Variants in RPRD2 observed in about 807,000 individuals in gnomAD.
RPRD2 encodes the protein regulation of nuclear pre-mRNA domain containing 2, also known as regulation of nuclear pre-mRNA domain-containing protein 2.
RPRD2 carries 12 observed loss-of-function variants against 104.4 expected under a neutral mutation model. The ratio of observed to expected loss-of-function variants is 0.11; its 90% confidence interval spans 0.07 to 0.19. RPRD2 has a LOEUF of 0.19. RPRD2 is among the 10% of genes least tolerant of loss of function. The probability of loss-of-function intolerance (pLI) is 1.00; values close to 1 mark genes in which losing one functional copy is unlikely to be tolerated. For synonymous variants in RPRD2, 714 were observed against 684.9 expected, an observed-to-expected ratio of 1.04 and a Z score of -0.66; for missense variants, 1,543 against 1,790.1, an observed-to-expected ratio of 0.86 and a Z score of 2.49.
At chr1:150,371,775 C>G (rs1483774054) in intron 1 of RPRD2, among the ~76,000 whole-genome samples, 1 of 152,134 alleles carries the variant, frequency 6.6e-6, no homozygotes, top group Non-Finnish European at 1.5e-5. Context: ...TACACTCTTA[C>G]CCACCATCCT....
intron 1 of RPRD2, among the ~76,000 whole-genome samples, chr1:150,394,029 T>TTTG (rs782212631): frequency 1.3e-5 from 2 of 152,074 alleles, no homozygotes; most frequent in Admixed American, 6.6e-5. Flanking sequence ...ATTAATGTTT[T>TTTG]TTGTTGTTGT....
At chr1:150,368,149 A>G (rs1659979962) in intron 1 of RPRD2, among the ~76,000 whole-genome samples, 1 of 148,408 alleles carries the variant, frequency 6.7e-6, no homozygotes, top group Non-Finnish European at 1.5e-5. Context: ...CATTGTTTAG[A>G]TCAAATCTCA....
At chr1:150,466,377 C>CAAAAA (rs34200262) in intron 10 of RPRD2, among the ~76,000 whole-genome samples, 1 of 105,040 alleles carries the variant, frequency 9.5e-6, no homozygotes, top group African/African-American at 3.8e-5. Context: ...GACTCTGTCT[C>CAAAAA]AAAAAAAAAA....
intron 1 of RPRD2, among the ~76,000 whole-genome samples, chr1:150,405,702 A>T (rs1371457572): frequency 2.6e-5 from 4 of 152,154 alleles, no homozygotes; most frequent in South Asian, 2.1e-4. Flanking sequence ...CATGCCTAAA[A>T]TATTAAATGG....
chr1:150,471,625 G>A lies in RPRD2; in HGVS notation c.2677G>A (p.Val893Ile). The change falls in exon 11 of 11, where the codon GTA becomes ATA. Residue 893 changes from valine (V) to isoleucine (I), a missense_variant. Coordinates refer to ENST00000369068, the MANE Select transcript of RPRD2 (RefSeq NM_015203.5). This position sits in a 1 kb window ranked among gnomAD's most constrained non-coding sequence, Gnocchi z 5.3. Reference sequence around the variant, plus strand: ...GGTAAAGTCTGCCTTCCCTCCATCTGTAAGGGCCCTCCTGGACTCTAGTGA... The same window carrying A: ...GGTAAAGTCTGCCTTCCCTCCATCTATAAGGGCCCTCCTGGACTCTAGTGA... Reference protein sequence around the residue: ...FGVKSAFPPSVRALLDSSENC... With the variant: ...FGVKSAFPPSIRALLDSSENC... 1 of 1,613,818 alleles carries A rather than the reference G, an allele frequency of 6.2e-7. No homozygotes were observed. Among genetic ancestry groups the A allele is most frequent in the Non-Finnish European group, 8.5e-7 (1 of 1,179,872 alleles).
chr1:150,366,784 C>T (rs745752566), intron 1 of RPRD2, among the ~76,000 whole-genome samples: 1 of 152,180 alleles, frequency 6.6e-6, no homozygotes, highest in African/African-American at 2.4e-5. Flanking sequence ...AGAACCTCTT[C>T]TCCACCCTAT....
At chr1:150,431,149 G>C (rs1246394704) in intron 2 of RPRD2, among the ~76,000 whole-genome samples, 1 of 152,090 alleles carries the variant, frequency 6.6e-6, no homozygotes, top group Non-Finnish European at 1.5e-5. Context: ...AAATGACAAG[G>C]CTTAGAGAGG....
intron 1 of RPRD2, among the ~76,000 whole-genome samples, chr1:150,395,835 T>TCTTTTC (rs1161785728): frequency 6.6e-6 from 1 of 152,200 alleles, no homozygotes; most frequent in African/African-American, 2.4e-5. Context: ...TATAATGACT[T>TCTTTTC]CTTTTCCTCT....
intron 1 of RPRD2, among the ~76,000 whole-genome samples, chr1:150,365,186 GT>G (rs1451879239): frequency 5.9e-5 from 9 of 152,166 alleles, no homozygotes; most frequent in African/African-American, 2.2e-4. Context: ...TACGTATATT[GT>G]TTTTAATATT....
intron 1 of RPRD2, among the ~76,000 whole-genome samples, chr1:150,372,587 T>C (rs587638949): frequency 3.3e-5 from 5 of 151,434 alleles, no homozygotes; most frequent in African/African-American, 1.2e-4. Context: ...TTAAACATAA[T>C]AGAAGGCGAT....
rs587617568 is a variant in RPRD2 at position 150,381,412 on chromosome 1, C to T, written c.205+16493C>T. Among the ~76,000 whole-genome samples, 6 of 152,192 alleles carry T rather than the reference C, an allele frequency of 3.9e-5. No homozygotes were observed. In the South Asian group the frequency reaches 1.2e-3, roughly 32 times the overall value. On this transcript the variant is annotated intron_variant, in intron 1 of 10. Transcript: ENST00000369068. ...ACTCCAGCCTGGAAAACAGCAAGAC[C>T]CTGGCTCCAAAAACACAAAAGTGCT...
chr1:150,413,364 G>T (rs782365275), intron 1 of RPRD2, among the ~76,000 whole-genome samples: 4 of 152,202 alleles, frequency 2.6e-5, no homozygotes, highest in Non-Finnish European at 4.4e-5. Context: ...ACTTTGGGAG[G>T]CCGAGGCAGG....
chr1:150,378,826 T>C (rs1486245508), intron 1 of RPRD2, among the ~76,000 whole-genome samples: 1 of 146,724 alleles, frequency 6.8e-6, no homozygotes, highest in East Asian at 2.0e-4. Flanking sequence ...TTACTAAAAA[T>C]ACAAAACTTA....
At chr1:150,423,794 T>A (rs1327512754) in intron 2 of RPRD2, among the ~76,000 whole-genome samples, 2 of 49,344 alleles carry the variant, frequency 4.1e-5, no homozygotes, top group Non-Finnish European at 1.3e-4. Flanking sequence ...GAAAACAAAT[T>A]TTTTTTTTTT....
intron 1 of RPRD2, among the ~76,000 whole-genome samples, chr1:150,401,352 G>C (rs1662986137): frequency 6.6e-6 from 1 of 151,976 alleles, no homozygotes; most frequent in South Asian, 2.1e-4. Context: ...GCTGGGTATG[G>C]TGGTGCAAGC....
intron 5 of RPRD2, among the ~76,000 whole-genome samples, chr1:150,443,888 G>T (rs1666577590): frequency 6.6e-6 from 1 of 151,832 alleles, no homozygotes; most frequent in Admixed American, 6.6e-5. Flanking sequence ...CGTGGTGGCG[G>T]GCGCCTGTAG....
chr1:150,436,026 G>T (rs1553893008), intron 2 of RPRD2, among the ~76,000 whole-genome samples: 1 of 151,786 alleles, frequency 6.6e-6, no homozygotes, highest in East Asian at 1.9e-4. Flanking sequence ...TATTCTGTCT[G>T]TGCTCTGTAG....
At chr1:150,462,592 C>T (rs1277465836) in intron 9 of RPRD2, among the ~76,000 whole-genome samples, 1 of 151,974 alleles carries the variant, frequency 6.6e-6, no homozygotes, top group Non-Finnish European at 1.5e-5. Flanking sequence ...CTCACTCTGT[C>T]CCCCAGGCTG....
intron 2 of RPRD2, among the ~76,000 whole-genome samples, chr1:150,440,142 C>T (rs1666316319): frequency 6.6e-6 from 1 of 152,114 alleles, no homozygotes; most frequent in Admixed American, 6.6e-5. Flanking sequence ...GATAAGGTCT[C>T]TCTCTGTTTC....
Sources: allele counts gnomAD v4.1 joint callset (sites outside exome capture counted in the v4.1 genomes callset), GRCh38; gene constraint gnomAD v4.1.1; non-coding constraint Gnocchi (gnomAD v3.1); transcripts MANE v1.5; gene names NCBI Gene and HGNC (gene_info 2026-07-23, HGNC 2026-07-21).